REPS1: variants seen among roughly 807,000 people sequenced by gnomAD.
REPS1 encodes ralBP1-associated Eps domain-containing protein 1.
A neutral mutation model predicts 100.9 loss-of-function variants in REPS1; 39 were observed. The observed-to-expected ratio is 0.39, with a 90% confidence interval of 0.30 to 0.50. The LOEUF is 0.50. REPS1 is among the 20% of genes least tolerant of loss of function. REPS1 has a pLI of 0.86. For missense variants in REPS1, 821 were observed against 968.5 expected (o/e 0.85, Z 2.02); for synonymous variants, 324 against 340.3 (o/e 0.95, Z 0.53).
Position 138,945,643 on chromosome 6 carries a change from C to T in REPS1, c.332G>A (p.Arg111His), listed in dbSNP as rs769964858. The T allele has an allele frequency of 1.2e-5, 20 of 1,612,446 alleles. No individual in the cohort carries two copies. Among genetic ancestry groups the T allele is most frequent in the South Asian group, 2.2e-5 (2 of 90,788 alleles). ...FVASKNEQESRHAASYSSDSE... is the reference protein window; with the variant it reads ...FVASKNEQESHHAASYSSDSE... ...ATCTGAAGAATATGAGGCTGCATGG[C>T]GAGATTCCTGTTCATTCTTTGAAGC... Residue 111 changes from arginine to histidine, a missense_variant, in exon 3 of 20, where the codon CGC becomes CAC. Arg to His is a conservative substitution (Grantham distance 29). This residue lies in a region of REPS1 where 757 missense variants were observed against 866.4 expected (regional missense o/e 0.87). Coordinates refer to ENST00000450536, the MANE Select transcript of REPS1 (RefSeq NM_001286611.2).
At chr6:138,976,248 C>G (rs1317513077) in intron 1 of REPS1, among the ~76,000 whole-genome samples, 1 of 152,014 alleles carries the variant, frequency 6.6e-6, no homozygotes, top group Non-Finnish European at 1.5e-5. Flanking sequence ...TTTCTATTTC[C>G]ACGTACAACA....
intron 16 of REPS1, 111 bp downstream of exon 16, chr6:138,912,654 C>A: frequency 9.9e-7 from 1 of 1,009,622 alleles, no homozygotes; most frequent in Non-Finnish European, 1.6e-6. Flanking sequence ...GAAGCACTGA[C>A]CCAGGGAATA....
intron 1 of REPS1, among the ~76,000 whole-genome samples, chr6:138,966,679 T>C (rs542722410): frequency 6.6e-6 from 1 of 152,328 alleles, no homozygotes; most frequent in African/African-American, 2.4e-5. Flanking sequence ...AGCTGCATTA[T>C]AACAGTTTTA....
chr6:138,974,495 G>A (rs1297498917), intron 1 of REPS1, among the ~76,000 whole-genome samples: 1 of 152,138 alleles, frequency 6.6e-6, no homozygotes, highest in Non-Finnish European at 1.5e-5. Flanking sequence ...TATACAAATA[G>A]CTAAAACCTC....
intron 1 of REPS1, among the ~76,000 whole-genome samples, chr6:138,958,402 G>A (rs1483651945): frequency 6.6e-6 from 1 of 152,094 alleles, no homozygotes; most frequent in Non-Finnish European, 1.5e-5. Context: ...TAAGTTCCAG[G>A]ATACATGGCA....
At chr6:138,939,739 C>A (rs1782103334) in intron 8 of REPS1, among the ~76,000 whole-genome samples, 1 of 152,168 alleles carries the variant, frequency 6.6e-6, no homozygotes, top group African/African-American at 2.4e-5. Context: ...TGGTTACTAT[C>A]ATAGGTGTTT....
At chr6:138,976,234 G>C (rs898917841) in intron 1 of REPS1, among the ~76,000 whole-genome samples, 8 of 152,058 alleles carry the variant, frequency 5.3e-5, no homozygotes, top group Non-Finnish European at 1.0e-4. Context: ...CAAGGATATA[G>C]ATATTTCTAT....
intron 1 of REPS1, among the ~76,000 whole-genome samples, chr6:138,952,845 T>TA (rs1783128170): frequency 6.6e-6 from 1 of 151,668 alleles, no homozygotes; most frequent in Non-Finnish European, 1.5e-5. Flanking sequence ...TTTTTTTTTT[T>TA]TTGAGACACA....
chr6:138,987,815 C>T lies in REPS1; in HGVS notation c.-133G>A. ...CCCGAAAACGCCGGCCCCGGCCTCA[C>T]ACGCGCCAGGTGCGCCCGAGCAACA... On this transcript the variant is annotated 5_prime_UTR_variant, in exon 1 of 20. It adds an upstream start codon to the 5' untranslated region. Coordinates refer to ENST00000450536, the MANE Select transcript of REPS1 (RefSeq NM_001286611.2). The T allele has an allele frequency of 8.3e-7, 1 of 1,202,874 alleles. No homozygotes were observed. The highest frequency in any genetic ancestry group is 1.1e-6 in the Non-Finnish European group (1 of 921,718). The allele number at this position is 1,202,874 out of a possible 1,614,324, so 74.5% of individuals were successfully genotyped here.
intron 1 of REPS1, among the ~76,000 whole-genome samples, chr6:138,952,463 G>A (rs778622808): frequency 4.6e-5 from 7 of 151,252 alleles, no homozygotes; most frequent in African/African-American, 7.3e-5. Flanking sequence ...GCAATGGCGC[G>A]ATCTCAGCTG....
intron 10 of REPS1, among the ~76,000 whole-genome samples, chr6:138,921,440 A>T (rs1050100689): frequency 1.3e-5 from 2 of 152,054 alleles, no homozygotes; most frequent in African/African-American, 2.4e-5. Context: ...CAGGAGAATC[A>T]CTTGAGCCCA....
At chr6:138,936,682 G>A (rs2128465512) in intron 8 of REPS1, among the ~76,000 whole-genome samples, 1 of 149,420 alleles carries the variant, frequency 6.7e-6, no homozygotes, top group South Asian at 2.1e-4. Context: ...AAGCATTAGT[G>A]CGTATTTTCA....
chr6:138,926,328 T>G, intron 10 of REPS1, 73 bp downstream of exon 10: 1 of 1,149,024 alleles, frequency 8.7e-7, no homozygotes, highest in Non-Finnish European at 1.3e-6. Flanking sequence ...GCATATCAGC[T>G]AAAAACGATA....
intron 2 of REPS1, among the ~76,000 whole-genome samples, chr6:138,946,030 A>T (rs73553131): frequency 0.074 from 11,328 of 152,220 alleles, 822 homozygotes; most frequent in East Asian, 0.21. Flanking sequence ...TCCTATTTAC[A>T]GATAAGAAAA....
intron 8 of REPS1, among the ~76,000 whole-genome samples, chr6:138,938,364 T>G (rs1013001036): frequency 1.3e-5 from 2 of 152,188 alleles, no homozygotes; most frequent in African/African-American, 4.8e-5. Flanking sequence ...TCACCATCTA[T>G]TTGCTTCTTA....
intron 1 of REPS1, among the ~76,000 whole-genome samples, chr6:138,983,441 C>T (rs530018201): frequency 6.6e-6 from 1 of 151,698 alleles, no homozygotes; most frequent in African/African-American, 2.4e-5. Flanking sequence ...GGCAACAGAG[C>T]GAGAGACTGT....
chr6:138,929,950 A>T (rs767513765), intron 9 of REPS1, 27 bp downstream of exon 9: 2 of 1,609,852 alleles, frequency 1.2e-6, no homozygotes, highest in Admixed American at 3.3e-5. Flanking sequence ...TTAACTTTTA[A>T]TGAAAGAAAA....
chr6:138,981,659 A>G (rs909882765), intron 1 of REPS1, among the ~76,000 whole-genome samples: 2 of 152,316 alleles, frequency 1.3e-5, no homozygotes, highest in Admixed American at 6.5e-5. Context: ...TGTGGCTGGA[A>G]TAGATTAGCC....
At chr6:138,908,371 T>C (rs1177413525) in intron 18 of REPS1, among the ~76,000 whole-genome samples, 3 of 152,190 alleles carry the variant, frequency 2.0e-5, no homozygotes, top group Admixed American at 2.0e-4. Context: ...CTCGGCTCAC[T>C]GCAACCTCCG....
Sources: gnomAD v4.1 joint callset for allele counts (sites outside exome capture counted in the v4.1 genomes callset) on GRCh38, gnomAD v4.1.1 for gene constraint, gnomAD v4.1.1 regional missense constraint, MANE v1.5 for transcripts, NCBI Gene and HGNC (gene_info 2026-07-23, HGNC 2026-07-21) for gene names.